Variants in ELSPBP1 observed in about 807,000 individuals in gnomAD.
ELSPBP1 encodes the protein epididymal sperm binding protein 1.
ELSPBP1 carries 38 observed loss-of-function variants against 33.3 expected under a neutral mutation model. That is an observed-to-expected ratio of 1.14 (90% CI 0.88 to 1.50). The LOEUF (loss-of-function observed/expected upper bound fraction) is 1.50, where lower values mean the gene tolerates loss of function less well. ELSPBP1 is among the 40% of genes most tolerant of loss of function. ELSPBP1 has a pLI of 0.00. For missense variants in ELSPBP1, 267 were observed against 263.5 expected, an observed-to-expected ratio of 1.01 and a Z score of -0.09; for synonymous variants, 85 against 94.1, an observed-to-expected ratio of 0.90 and a Z score of 0.56.
Position 48,022,312 on chromosome 19 carries a change from C to G in ELSPBP1, c.657C>G (p.Thr219=), listed in dbSNP as rs759153571. The change falls in exon 6 of 7, where the codon ACC becomes ACG. Residue 219 remains threonine (T), a synonymous_variant. Coordinates refer to ENST00000339841, the MANE Select transcript of ELSPBP1 (RefSeq NM_022142.5). ...CTTACAACTACGACCAAGACCACAC[C>G]TGGGTGTATTGCTGATGCTGAGGTG... ...ATSYNYDQDH[T]WVYC 18 of 1,611,724 alleles carry G rather than the reference C, an allele frequency of 1.1e-5. No individual in the cohort carries two copies. In the South Asian group the frequency reaches 2.0e-4, roughly 18 times the overall value.
intron 4 of ELSPBP1, among the ~76,000 whole-genome samples, chr19:48,016,813 G>C (rs1347187750): frequency 2.0e-5 from 3 of 151,938 alleles, no homozygotes; most frequent in African/African-American, 7.3e-5. Flanking sequence ...TGGCCAGGCT[G>C]GTCTTGAACT....
chr19:48,019,339 G>A (rs1186940867), intron 4 of ELSPBP1, among the ~76,000 whole-genome samples: 1 of 152,112 alleles, frequency 6.6e-6, no homozygotes, highest in Admixed American at 6.6e-5. Flanking sequence ...GTTTTAAAGA[G>A]TCTAGGAGAG....
chr19:47,998,471 C>A (rs1568402368), intron 1 of ELSPBP1, among the ~76,000 whole-genome samples: 1 of 151,724 alleles, frequency 6.6e-6, no homozygotes, highest in Non-Finnish European at 1.5e-5. Flanking sequence ...GCTAATGAGC[C>A]CGGGCATGCG....
intron 5 of ELSPBP1, among the ~76,000 whole-genome samples, chr19:48,021,391 C>G (rs1289825730): frequency 6.8e-6 from 1 of 146,972 alleles, no homozygotes; most frequent in Non-Finnish European, 1.5e-5. Context: ...AGGGTTTACC[C>G]AGATTTTATT....
chr19:48,009,702 T>TA (rs1290235803), intron 2 of ELSPBP1, among the ~76,000 whole-genome samples: 1 of 147,178 alleles, frequency 6.8e-6, no homozygotes, highest in Non-Finnish European at 1.5e-5. Context: ...AATTTACGTT[T>TA]TAAAAAAAGT....
intron 4 of ELSPBP1, among the ~76,000 whole-genome samples, chr19:48,016,527 T>TCTTCCTTC (rs1292111942): frequency 1.2e-4 from 6 of 50,472 alleles, no homozygotes; most frequent in Non-Finnish European, 1.3e-4. Context: ...TTTCTTTCTT[T>TCTTCCTTC]CTTCCTTCCT....
chr19:48,019,689 G>T, intron 4 of ELSPBP1, 30 bp from the exon 5 acceptor site: 1 of 1,597,944 alleles, frequency 6.3e-7, no homozygotes. Flanking sequence ...TCCTCTTCTT[G>T]ACCCGTAACC....
intron 6 of ELSPBP1, among the ~76,000 whole-genome samples, chr19:48,024,516 CG>C (rs1967249578): frequency 6.6e-6 from 1 of 151,992 alleles, no homozygotes; most frequent in African/African-American, 2.4e-5. Flanking sequence ...ACTAAATTAG[CG>C]GGCCCTTCCT....
chr19:48,011,381 GATGACGATGATA>G lies in ELSPBP1; in HGVS notation c.70+2649_70+2660del, dbSNP rs1223552131. On this transcript the variant is annotated intron_variant, in intron 2 of 6. Coordinates refer to ENST00000339841, the MANE Select transcript of ELSPBP1 (RefSeq NM_022142.5). The surrounding 1 kb of genome is among the most constrained non-coding windows in gnomAD (Gnocchi z 4.5). ...TGATGATGATGATGGTGACAATGAT[GATGACGATGATA>G]ATGATGATGTCAATAATGATGTGAT... Among the ~76,000 whole-genome samples, 2 of 151,626 alleles carry G rather than the reference GATGACGATGATA, an allele frequency of 1.3e-5. No individual in the cohort carries two copies. The highest frequency in any genetic ancestry group is 6.6e-5 in the Admixed American group (1 of 15,214).
chr19:48,009,855 G>A (rs1967059674), intron 2 of ELSPBP1, among the ~76,000 whole-genome samples: 1 of 152,036 alleles, frequency 6.6e-6, no homozygotes, highest in African/African-American at 2.4e-5. Context: ...TGCTCCACAT[G>A]GTCATTCAGG....
chr19:48,024,173 T>C (rs1321278450), intron 6 of ELSPBP1, among the ~76,000 whole-genome samples: 1 of 152,024 alleles, frequency 6.6e-6, no homozygotes, highest in East Asian at 1.9e-4. Context: ...CGTGAGTCAC[T>C]GTACCTGGCC....
chr19:48,015,071 A>G (rs1434890570), intron 3 of ELSPBP1, among the ~76,000 whole-genome samples: 3 of 152,218 alleles, frequency 2.0e-5, no homozygotes, highest in African/African-American at 7.2e-5. Flanking sequence ...ATAAACTGTC[A>G]ATTAACACAT....
chr19:48,004,571 C>T (rs62131801), intron 1 of ELSPBP1, among the ~76,000 whole-genome samples: 19,195 of 152,110 alleles, frequency 0.13, 1,414 homozygotes, highest in African/African-American at 0.2. Flanking sequence ...CCCCATACCT[C>T]CAGCTCCTCT....
At position 48,022,158 on chromosome 19, in the gene ELSPBP1, T is replaced by G; in HGVS notation, c.515-12T>G. On this transcript the variant is annotated splice_polypyrimidine_tract_variant and intron_variant, in intron 5 of 6. Transcript: ENST00000339841. ...AGGAGTAACCTTTGTTTTATCCCCT[T>G]CTGCTTCCTAGGAATTTCCGCGTTG... 1 of 1,607,746 alleles carries G rather than the reference T, an allele frequency of 6.2e-7. No individual in the cohort carries two copies. The highest frequency in any genetic ancestry group is 8.5e-7 in the Non-Finnish European group (1 of 1,176,840).
chr19:48,003,990 C>A (rs909426407), intron 1 of ELSPBP1, among the ~76,000 whole-genome samples: 1 of 151,116 alleles, frequency 6.6e-6, no homozygotes, highest in Non-Finnish European at 1.5e-5. Context: ...GTTGCCCAGG[C>A]TGGAGTGCAG....
At chr19:48,012,250 A>G (rs1967087003) in intron 2 of ELSPBP1, among the ~76,000 whole-genome samples, 2 of 152,052 alleles carry the variant, frequency 1.3e-5, no homozygotes, top group Non-Finnish European at 2.9e-5. Flanking sequence ...CAGCCTCCCA[A>G]GTAGCTGGGA....
At chr19:48,013,454 C>T (rs544100468) in intron 2 of ELSPBP1, among the ~76,000 whole-genome samples, 17 of 152,304 alleles carry the variant, frequency 1.1e-4, no homozygotes, top group African/African-American at 2.9e-4. Context: ...TGGTGGCTTA[C>T]GCCTGTAATC....
chr19:48,005,214 G>A (rs1381466809), intron 1 of ELSPBP1, among the ~76,000 whole-genome samples: 19 of 150,000 alleles, frequency 1.3e-4, no homozygotes, highest in Admixed American at 1.3e-3. Context: ...AAAAAAAAAA[G>A]AAAAGAAAAA....
At chr19:48,007,810 T>C (rs572927064) in intron 1 of ELSPBP1, among the ~76,000 whole-genome samples, 1 of 152,308 alleles carries the variant, frequency 6.6e-6, no homozygotes, top group South Asian at 2.1e-4. Flanking sequence ...CCTCCCTGGG[T>C]GACCAATCCA....
Sources: allele counts gnomAD v4.1 joint callset (sites outside exome capture counted in the v4.1 genomes callset), GRCh38; gene constraint gnomAD v4.1.1; non-coding constraint Gnocchi (gnomAD v3.1); transcripts MANE v1.5; gene names NCBI Gene and HGNC (gene_info 2026-07-23, HGNC 2026-07-21).